The following KAZN variants were observed in gnomAD, a reference collection of about 807,000 sequenced individuals.
The protein encoded by KAZN is kazrin, periplakin interacting protein, also known as kazrin.
In KAZN, 40 loss-of-function variants were observed where a neutral mutation model predicts 87.4. The ratio of observed to expected loss-of-function variants is 0.46; its 90% CI spans 0.36 to 0.60. The LOEUF (loss-of-function observed/expected upper bound fraction) is 0.60. Ranked by LOEUF, KAZN falls within the 20% of genes least tolerant of loss-of-function variation. The pLI is 0.00. For missense variants in KAZN, 898 were observed against 1,073.9 expected, an observed-to-expected ratio of 0.84 and a Z score of 2.29; for synonymous variants, 466 against 458.3, an observed-to-expected ratio of 1.02 and a Z score of -0.22.
intron 1 of KAZN, among the ~76,000 whole-genome samples, chr1:14,840,165 G>A (rs1005446680): frequency 6.6e-6 from 1 of 152,186 alleles, no homozygotes; most frequent in Non-Finnish European, 1.5e-5. Flanking sequence ...GTCCAGGAGA[G>A]GTCTTGCACG....
chr1:14,519,147 T>A (rs72862055), intron 2 of KAZN, among the ~76,000 whole-genome samples: 13,673 of 151,756 alleles, frequency 0.09, 1,290 homozygotes, highest in African/African-American at 0.24. Flanking sequence ...TGGAAATTTT[T>A]AAAAAAAAAT....
chr1:14,404,541 A>G (rs150195142), intron 2 of KAZN, among the ~76,000 whole-genome samples: 2,740 of 152,324 alleles, frequency 0.018, 31 homozygotes, highest in Middle Eastern at 0.031. Context: ...GAATCCAGCA[A>G]TTCCATTTCC....
chr1:15,110,249 G>T (rs913373192), intron 13 of KAZN, among the ~76,000 whole-genome samples: 1 of 120,642 alleles, frequency 8.3e-6, no homozygotes, highest in African/African-American at 3.3e-5. Context: ...ATGTATATGT[G>T]TATGTGCACT....
chr1:14,861,749 A>G (rs553862376), intron 1 of KAZN, among the ~76,000 whole-genome samples: 2 of 152,254 alleles, frequency 1.3e-5, no homozygotes, highest in Admixed American at 1.3e-4. Context: ...TAGAGACACA[A>G]TGAGACTTTG....
At position 14,996,627 on chromosome 1, in the gene KAZN, A is replaced by C. The variant is rs929206201; in HGVS notation, c.418+35752A>C. ...CGCCAGCACCCTCCCACGGGCGTGC[A>C]GATCTGACAAGATCAGGATCTGGGT... On this transcript the variant is annotated intron_variant, in intron 2 of 14. Coordinates refer to ENST00000376030, the MANE Select transcript of KAZN (RefSeq NM_201628.3). The surrounding 1 kb of genome is among the most constrained non-coding windows in gnomAD (Gnocchi z 5.9). 6.6e-6 allele frequency among the ~76,000 whole-genome samples: 1 copy of C among 152,222 alleles called. No homozygotes were observed. Among genetic ancestry groups the C allele is most frequent in the Non-Finnish European group, 1.5e-5 (1 of 68,034 alleles).
intron 1 of KAZN, among the ~76,000 whole-genome samples, chr1:14,927,061 A>G (rs10927577): frequency 0.22 from 33,135 of 152,098 alleles, 5,879 homozygotes; most frequent in African/African-American, 0.47. Flanking sequence ...AGGTGCAGAC[A>G]GTGGATGTTT....
intron 2 of KAZN, among the ~76,000 whole-genome samples, chr1:14,978,532 G>A (rs1048812107): frequency 2.0e-5 from 3 of 152,158 alleles, no homozygotes; most frequent in African/African-American, 7.2e-5. Context: ...AGACCGACCT[G>A]GGAAGCCCCT....
chr1:14,143,952 A>G (rs2101775788), intron 1 of KAZN, among the ~76,000 whole-genome samples: 1 of 152,254 alleles, frequency 6.6e-6, no homozygotes, highest in South Asian at 2.1e-4. Flanking sequence ...TCCTGGGCTC[A>G]AGTGATCCTC....
rs201714126 is a variant in KAZN at position 14,960,725 on chromosome 1, C to G, written c.268C>G (p.His90Asp). The change falls in exon 2 of 15, where the codon CAC (histidine) becomes GAC (aspartate). Residue 90 changes from histidine to aspartate, a missense_variant. Coordinates refer to ENST00000376030, the MANE Select transcript of KAZN (RefSeq NM_201628.3). ...AGTGTCGCGGCTCCAGGAGGAAGTT[C>G]ACCTTCTCCGGCAGATGAAGGAGAT... ...EEVSRLQEEV[H>D]LLRQMKEMLA... The G allele has an allele frequency of 6.3e-7, 1 of 1,585,042 alleles. No homozygotes were observed. Among genetic ancestry groups the G allele is most frequent in the South Asian group, 1.1e-5 (1 of 87,114 alleles).
chr1:14,239,451 GTTT>G (rs1648726846), intron 2 of KAZN, among the ~76,000 whole-genome samples: 1 of 110,644 alleles, frequency 9.0e-6, no homozygotes. Flanking sequence ...CATAAGTTGG[GTTT>G]CTTTTTTTTT....
chr1:14,370,028 C>G (rs559880352), intron 2 of KAZN, among the ~76,000 whole-genome samples: 5 of 152,178 alleles, frequency 3.3e-5, no homozygotes, highest in Non-Finnish European at 7.3e-5. Context: ...GGCCTTTTGG[C>G]CCCTCTCCAG....
chr1:15,006,426 C>T (rs936032990), intron 2 of KAZN, among the ~76,000 whole-genome samples: 2 of 152,180 alleles, frequency 1.3e-5, no homozygotes, highest in Admixed American at 6.5e-5. Context: ...AAGAAAAGCC[C>T]GGGCCGGGCT....
At chr1:14,460,173 CA>C (rs1444680204) in intron 2 of KAZN, among the ~76,000 whole-genome samples, 1 of 152,212 alleles carries the variant, frequency 6.6e-6, no homozygotes, top group Non-Finnish European at 1.5e-5. Flanking sequence ...TGACAGGTAT[CA>C]AAGGGCACCT....
At chr1:14,659,588 T>G (rs1001864129) in intron 1 of KAZN, among the ~76,000 whole-genome samples, 14 of 152,210 alleles carry the variant, frequency 9.2e-5, no homozygotes, top group African/African-American at 3.4e-4. Context: ...TTCTAGAAAG[T>G]CAACTACCAC....
chr1:14,946,947 G>A (rs1661876679), intron 1 of KAZN, among the ~76,000 whole-genome samples: 1 of 152,202 alleles, frequency 6.6e-6, no homozygotes, highest in Admixed American at 6.5e-5. Context: ...TTCTCAGAAA[G>A]TTAGCTCTCC....
At chr1:14,722,581 G>A (rs185220347) in intron 1 of KAZN, among the ~76,000 whole-genome samples, 3 of 152,250 alleles carry the variant, frequency 2.0e-5, no homozygotes, top group African/African-American at 4.8e-5. Flanking sequence ...TTTTCCCAAT[G>A]AGCATACCTT....
chr1:15,048,846 G>A (rs1234254284), intron 4 of KAZN, among the ~76,000 whole-genome samples: 1 of 150,016 alleles, frequency 6.7e-6, no homozygotes, highest in Admixed American at 6.6e-5. Context: ...TTGGTCCTGG[G>A]TCGTTGGTCC....
rs768537524 is a variant in KAZN at position 15,044,113 on chromosome 1, A to T, written c.680A>T (p.Asp227Val). The T allele has an allele frequency of 3.1e-6, 5 of 1,611,738 alleles. No individual in the cohort carries two copies. The highest frequency in any genetic ancestry group is 8.5e-7 in the Non-Finnish European group (1 of 1,179,172). ...DHATALRSQLDLKDNRMKELE... is the reference protein window; with the variant it reads ...DHATALRSQLVLKDNRMKELE... ...GCCACGGCACTGCGCTCCCAGCTGG[A>T]CCTCAAGGACAACCGGATGAAGGAG... The change falls in exon 4 of 15, where the codon GAC becomes GTC. Residue 227 changes from aspartate (D) to valine (V), a missense_variant. Asp to Val is a radical substitution (Grantham distance 152). Around this residue, in one of 3 missense-constraint regions of KAZN, gnomAD observed 521 missense variants for 689.4 expected, o/e 0.76. Transcript: ENST00000376030.
intron 2 of KAZN, among the ~76,000 whole-genome samples, chr1:14,535,668 A>G (rs1252745754): frequency 1.3e-5 from 2 of 151,802 alleles, no homozygotes; most frequent in African/African-American, 2.4e-5. Flanking sequence ...CTGTCTCAAA[A>G]AAAAAAAATA....
Sources: gnomAD v4.1 joint callset for allele counts (sites outside exome capture counted in the v4.1 genomes callset) on GRCh38, gnomAD v4.1.1 for gene constraint, gnomAD v4.1.1 regional missense constraint, Gnocchi (gnomAD v3.1) non-coding constraint, MANE v1.5 for transcripts, NCBI Gene and HGNC (gene_info 2026-07-23, HGNC 2026-07-21) for gene names.